DSG3: variants seen among roughly 807,000 people sequenced by gnomAD.
DSG3 encodes the protein desmoglein-3.
DSG3 carries 63 observed loss-of-function variants against 85.9 expected under a neutral mutation model. That is an observed-to-expected ratio of 0.73 (90% CI 0.60 to 0.90). The LOEUF (loss-of-function observed/expected upper bound fraction) is 0.90, where lower values mean the gene tolerates loss of function less well. Ranked by LOEUF, DSG3 falls within the 40% of genes least tolerant of loss-of-function variation. The probability of loss-of-function intolerance (pLI) is 0.00; values close to 1 mark genes in which losing one functional copy is unlikely to be tolerated. For missense variants in DSG3, 1,220 were observed against 1,219.9 expected (o/e 1.00, Z 0.00); for synonymous variants, 447 against 441.9 (o/e 1.01, Z -0.14).
Position 31,464,255 on chromosome 18 carries a change from G to A in DSG3, c.1144G>A (p.Ala382Thr), listed in dbSNP as rs771155268. Residue 382 changes from alanine (A) to threonine (T), a missense_variant, in exon 9 of 16, where the codon GCA becomes ACA. Ala to Thr is a moderately conservative substitution (Grantham distance 58). Transcript: ENST00000257189. Reference protein sequence around the residue: ...IQVINVREGIAFRPASKTFTV... With the variant: ...IQVINVREGITFRPASKTFTV... ...GGTAATAAATGTAAGAGAAGGAATT[G>A]CATTCCGTCCTGCTTCCAAGACATT... is the stretch of plus-strand genomic sequence containing the variant. The A allele has an allele frequency of 1.9e-6, 3 of 1,614,128 alleles. No individual in the cohort carries two copies. The highest frequency in any genetic ancestry group is 2.2e-5 in the South Asian group (2 of 91,082).
At chr18:31,450,612 A>G (rs1041697459) in intron 1 of DSG3, among the ~76,000 whole-genome samples, 2 of 152,224 alleles carry the variant, frequency 1.3e-5, no homozygotes, top group Non-Finnish European at 2.9e-5. Context: ...TCCAATGACC[A>G]TACATGGGTT....
chr18:31,448,720 A>G (rs1001432266), intron 1 of DSG3, among the ~76,000 whole-genome samples: 3 of 152,000 alleles, frequency 2.0e-5, no homozygotes, highest in African/African-American at 7.2e-5. Context: ...AGTTAAATAT[A>G]CCTTAAAAAT....
At chr18:31,465,529 T>A in intron 10 of DSG3, 72 bp downstream of exon 10, 1 of 1,259,324 alleles carries the variant, frequency 7.9e-7, no homozygotes, top group Non-Finnish European at 1.0e-6. Flanking sequence ...TAGATGATTA[T>A]GATTATTCAA....
chr18:31,456,002 A>G (rs191480389), intron 1 of DSG3, among the ~76,000 whole-genome samples: 108 of 152,348 alleles, frequency 7.1e-4, no homozygotes, highest in Non-Finnish European at 1.1e-3. Context: ...CCTACAAATC[A>G]GTTGGGTGGC....
chr18:31,474,188 T>C lies in DSG3; in HGVS notation c.2169T>C (p.Thr723=), dbSNP rs1481814098. ...GCACTTCAGGAATGGAAATGACCAC[T>C]AAGCTTGGAGCAGCCACTGAATCTG... ...VEGTSGMEMT[T]KLGAATESGG... Residue 723 remains threonine, a synonymous_variant, in exon 15 of 16, where the codon ACT becomes ACC. Coordinates refer to ENST00000257189, the MANE Select transcript of DSG3 (RefSeq NM_001944.3). The C allele has an allele frequency of 1.9e-6, 3 of 1,614,234 alleles. No homozygotes were observed. Among genetic ancestry groups the C allele is most frequent in the Admixed American group, 3.3e-5 (2 of 60,032 alleles).
intron 1 of DSG3, among the ~76,000 whole-genome samples, chr18:31,452,412 G>A (rs1457215271): frequency 1.3e-5 from 2 of 151,566 alleles, no homozygotes; most frequent in Non-Finnish European, 1.5e-5. Flanking sequence ...CCAGCTACTC[G>A]GGAGGCTGAG....
At chr18:31,449,437 T>C (rs2072698005) in intron 1 of DSG3, among the ~76,000 whole-genome samples, 1 of 152,114 alleles carries the variant, frequency 6.6e-6, no homozygotes, top group African/African-American at 2.4e-5. Context: ...CATGAGGACA[T>C]AGGATTGGGC....
Position 31,465,420 on chromosome 18 carries a change from TA to T in DSG3, c.1376del (p.Asn459ThrfsTer11). ...NMNRDSTFIV[N>X]KTITAEVLAI... ...TGAACCGAGATTCTACTTTCATAGT[TA>T]ACAAAACAATCACAGCTGAGGTTCT... On this transcript the variant is annotated frameshift_variant, in exon 10 of 16. Transcript: ENST00000257189. LOFTEE classifies it high-confidence loss of function. The T allele has an allele frequency of 6.5e-7, 1 of 1,537,500 alleles. No individual in the cohort carries two copies. Among genetic ancestry groups the T allele is most frequent in the Non-Finnish European group, 8.7e-7 (1 of 1,145,270 alleles).
intron 1 of DSG3, among the ~76,000 whole-genome samples, chr18:31,451,110 T>A (rs16961938): frequency 0.28 from 43,223 of 152,066 alleles, 7,109 homozygotes; most frequent in African/African-American, 0.46. Flanking sequence ...TTGTGCTTGT[T>A]TGATCCATTT....
In DSG3 at chr18:31,475,800, A is replaced by T. The variant is rs2072882919; in HGVS notation, c.2540A>T (p.Asp847Val). The change falls in exon 16 of 16, where the codon GAC (aspartate) becomes GTC (valine). Residue 847 changes from aspartate to valine, a missense_variant. Physicochemically the swap from Asp to Val is radical, Grantham distance 152 (BLOSUM62 -3). Coordinates refer to ENST00000257189, the MANE Select transcript of DSG3 (RefSeq NM_001944.3). Reference protein sequence around the residue: ...IADDLDDSFLDSLGPKFKKLA... With the variant: ...IADDLDDSFLVSLGPKFKKLA... ...GATGACCTGGATGACAGCTTCTTGG[A>T]CTCACTTGGACCCAAATTTAAAAAA... is the stretch of plus-strand genomic sequence containing the variant. 6.2e-7 allele frequency: 1 copy of T among 1,613,892 alleles called. No individual in the cohort carries two copies. The highest frequency in any genetic ancestry group is 8.5e-7 in the Non-Finnish European group (1 of 1,180,014).
chr18:31,457,777 G>A (rs2072758236), intron 3 of DSG3, among the ~76,000 whole-genome samples: 1 of 151,792 alleles, frequency 6.6e-6, no homozygotes, highest in Admixed American at 6.6e-5. Flanking sequence ...ACAGGCGTGT[G>A]CCACCATGCC....
Position 31,464,803 on chromosome 18 carries a change from G to T in DSG3, c.1271+421G>T, listed in dbSNP as rs542423358. On this transcript the variant is annotated intron_variant, in intron 9 of 15. Transcript: ENST00000257189. ...CTATATTATACAGAGCAAGAACACA[G>T]GTATTTTATTTTATTGTGCATAGCA... 2.0e-5 allele frequency among the ~76,000 whole-genome samples: 3 copies of T among 152,204 alleles called. No homozygotes were observed. In the East Asian group the frequency reaches 5.8e-4, roughly 29 times the overall value.
In DSG3 at chr18:31,462,982, T is replaced by C. The variant is rs2072795535; in HGVS notation, c.1000-1129T>C. Among the ~76,000 whole-genome samples, 4 of 152,294 alleles carry C rather than the reference T, an allele frequency of 2.6e-5. No homozygotes were observed. The South Asian group carries it at 8.3e-4, about 32-fold the overall frequency. ...CCCTTGACAGTAAGGGTGTAGGAAC[T>C]ATTGGAGAAGCCCAGGCAGCAGTGG... On this transcript the variant is annotated intron_variant, in intron 8 of 15. Transcript: ENST00000257189.
At chr18:31,453,783 G>T (rs1214883241) in intron 1 of DSG3, among the ~76,000 whole-genome samples, 2 of 151,924 alleles carry the variant, frequency 1.3e-5, no homozygotes, top group East Asian at 1.9e-4. Flanking sequence ...TCCAATCCAG[G>T]CCACCAAAAG....
chr18:31,464,730 A>G (rs1230357839), intron 9 of DSG3, among the ~76,000 whole-genome samples: 1 of 152,182 alleles, frequency 6.6e-6, no homozygotes, highest in African/African-American at 2.4e-5. Context: ...AACAGCACTT[A>G]CAAAGACATA....
chr18:31,457,577 CTTTCTTTCTTCTTTCTTTCT>C (rs1568086471), intron 3 of DSG3, among the ~76,000 whole-genome samples: 143 of 78,614 alleles, frequency 1.8e-3, no homozygotes, highest in East Asian at 7.2e-3. Flanking sequence ...TTCTTTCTTT[CTTTCTTTCTTCTTTCTTTCT>C]TTCTTTCTTT....
chr18:31,459,116 T>C lies in DSG3; in HGVS notation c.456T>C (p.Asp152=), dbSNP rs754683603. ...ILTVKILDIN[D]NPPVFSQQIF... is the part of the protein sequence containing the mutation. Reference sequence around the variant, plus strand: ...CGGTTAAAATTTTGGATATTAATGATAATCCTCCAGTATTTTCACAACAAA... The same window carrying C: ...CGGTTAAAATTTTGGATATTAATGACAATCCTCCAGTATTTTCACAACAAA... Residue 152 remains aspartate, a synonymous_variant, in exon 5 of 16, where the codon GAT becomes GAC. Coordinates refer to ENST00000257189, the MANE Select transcript of DSG3 (RefSeq NM_001944.3). The C allele has an allele frequency of 3.7e-6, 6 of 1,613,292 alleles. No homozygotes were observed. Among genetic ancestry groups the C allele is most frequent in the Non-Finnish European group, 5.1e-6 (6 of 1,179,854 alleles).
chr18:31,450,247 G>A (rs8099530), intron 1 of DSG3, among the ~76,000 whole-genome samples: 43,195 of 151,922 alleles, frequency 0.28, 7,100 homozygotes, highest in African/African-American at 0.46. Context: ...ATAGATGGAC[G>A]GGCCAAAAGG....
intron 8 of DSG3, among the ~76,000 whole-genome samples, chr18:31,463,291 C>A (rs1006305742): frequency 2.0e-5 from 3 of 152,228 alleles, no homozygotes; most frequent in African/African-American, 7.2e-5. Context: ...GTTTAGACAT[C>A]TTTCTCTTCC....
Sources: gnomAD v4.1 joint callset for allele counts (sites outside exome capture counted in the v4.1 genomes callset) on GRCh38, gnomAD v4.1.1 for gene constraint, MANE v1.5 for transcripts, NCBI Gene and HGNC (gene_info 2026-07-23, HGNC 2026-07-21) for gene names.